Variants in CRACD observed in about 807,000 individuals in gnomAD.
CRACD encodes capping protein-inhibiting regulator of actin dynamics.
Under a neutral mutation model 106.8 loss-of-function variants are expected in CRACD, and 56 were observed. That is an observed-to-expected ratio of 0.52 (90% CI 0.42 to 0.66). CRACD has a LOEUF of 0.66. Ranked by LOEUF, CRACD falls within the 30% of genes least tolerant of loss-of-function variation. The pLI is 0.00. For synonymous variants in CRACD, 754 were observed against 670.8 expected, an observed-to-expected ratio of 1.12 and a Z score of -1.92; for missense variants, 1,730 against 1,623.2, an observed-to-expected ratio of 1.07 and a Z score of -1.13.
At chr4:56,101,976 A>G (rs1460601691) in intron 1 of CRACD, among the ~76,000 whole-genome samples, 1 of 152,052 alleles carries the variant, frequency 6.6e-6, no homozygotes. Context: ...AATATACTAC[A>G]TTTCTTTAAT....
At chr4:56,319,119 ACT>A (rs1171253099) in intron 8 of CRACD, among the ~76,000 whole-genome samples, 1 of 152,026 alleles carries the variant, frequency 6.6e-6, no homozygotes, top group Non-Finnish European at 1.5e-5. Context: ...GGAGATATAA[ACT>A]CGCCAAACTG....
chr4:56,153,091 C>A (rs1463230091), intron 1 of CRACD, among the ~76,000 whole-genome samples: 2 of 152,168 alleles, frequency 1.3e-5, no homozygotes. Flanking sequence ...CCAGCCTGGG[C>A]AATGTGGTGA....
chr4:56,244,801 A>G (rs1157768548), intron 2 of CRACD, among the ~76,000 whole-genome samples: 2 of 152,210 alleles, frequency 1.3e-5, no homozygotes, highest in African/African-American at 4.8e-5. Flanking sequence ...AGTTTTGAAT[A>G]TAACTCCTGC....
chr4:56,308,222 C>G (rs185044190), intron 5 of CRACD, among the ~76,000 whole-genome samples: 1 of 152,058 alleles, frequency 6.6e-6, no homozygotes, highest in Non-Finnish European at 1.5e-5. Flanking sequence ...AAAAGAAATG[C>G]GTAGGGGCTC....
At chr4:56,145,034 C>A (rs527354222) in intron 1 of CRACD, among the ~76,000 whole-genome samples, 2 of 152,092 alleles carry the variant, frequency 1.3e-5, no homozygotes, top group African/African-American at 4.8e-5. Context: ...GTTATCCCCC[C>A]GCCCCAGCCT....
intron 1 of CRACD, among the ~76,000 whole-genome samples, chr4:56,156,648 GT>G (rs1735772742): frequency 6.6e-6 from 1 of 152,136 alleles, no homozygotes; most frequent in Admixed American, 6.6e-5. Context: ...ATTCAACCAG[GT>G]TTTTCCTGAG....
At chr4:56,158,791 C>G (rs749159915) in intron 1 of CRACD, among the ~76,000 whole-genome samples, 1 of 152,204 alleles carries the variant, frequency 6.6e-6, no homozygotes, top group Non-Finnish European at 1.5e-5. Context: ...TCTGAATTTG[C>G]ATATTGATGA....
intron 1 of CRACD, among the ~76,000 whole-genome samples, chr4:56,110,492 T>A (rs1031802688): frequency 2.6e-5 from 4 of 152,192 alleles, no homozygotes; most frequent in Non-Finnish European, 5.9e-5. Flanking sequence ...AGCTTTGCAG[T>A]AGGCTTAGAC....
chr4:56,204,357 A>C (rs545626798), intron 2 of CRACD, among the ~76,000 whole-genome samples: 1 of 152,372 alleles, frequency 6.6e-6, no homozygotes, highest in Non-Finnish European at 1.5e-5. Context: ...TTTATTTCTT[A>C]CAGTTCTGGA....
chr4:56,143,688 G>A (rs1292072559), intron 1 of CRACD, among the ~76,000 whole-genome samples: 1 of 152,114 alleles, frequency 6.6e-6, no homozygotes, highest in Non-Finnish European at 1.5e-5. Flanking sequence ...TTATTAGACT[G>A]TGGGTTTTGA....
chr4:56,078,342 G>A (rs1577948759), intron 1 of CRACD, among the ~76,000 whole-genome samples: 2 of 152,208 alleles, frequency 1.3e-5, no homozygotes, highest in East Asian at 3.9e-4. Flanking sequence ...CATGAGTATT[G>A]ACTGATTTAC....
At chr4:56,207,745 C>CATATATATATATATAT (rs58423475) in intron 2 of CRACD, among the ~76,000 whole-genome samples, 21 of 106,164 alleles carry the variant, frequency 2.0e-4, no homozygotes, top group East Asian at 1.5e-3. Context: ...CTTGTTTTCT[C>CATATATATATATATAT]ATATATATAT....
chr4:56,288,224 C>T (rs937427296), intron 3 of CRACD, among the ~76,000 whole-genome samples: 19 of 152,082 alleles, frequency 1.2e-4, no homozygotes, highest in African/African-American at 4.6e-4. Context: ...CCTCCTCCTG[C>T]TCTTCTTTTT....
chr4:56,170,265 G>A (rs891036529), intron 1 of CRACD: 3 of 152,208 alleles, frequency 2.0e-5, no homozygotes, highest in African/African-American at 7.2e-5. Context: ...GTATTCTGAA[G>A]AGCGCAGGTT....
chr4:56,113,633 TTGG>T (rs1734191024), intron 1 of CRACD, among the ~76,000 whole-genome samples: 1 of 152,226 alleles, frequency 6.6e-6, no homozygotes, highest in African/African-American at 2.4e-5. Flanking sequence ...CTATGTCATC[TTGG>T]TGGCCTGATA....
chr4:56,150,973 T>C (rs528635991), intron 1 of CRACD, among the ~76,000 whole-genome samples: 2 of 152,292 alleles, frequency 1.3e-5, no homozygotes, highest in East Asian at 3.9e-4. Context: ...TCAACAGCTC[T>C]GTATGAGGGT....
intron 4 of CRACD, among the ~76,000 whole-genome samples, chr4:56,305,404 A>T (rs1744625644): frequency 6.6e-6 from 1 of 152,104 alleles, no homozygotes; most frequent in Non-Finnish European, 1.5e-5. Context: ...ATTCTTCTGC[A>T]CAGGTCCCCA....
At chr4:56,168,819 T>C (rs1736248669) in intron 1 of CRACD, among the ~76,000 whole-genome samples, 2 of 151,992 alleles carry the variant, frequency 1.3e-5, no homozygotes. Flanking sequence ...GTCAAGGGGA[T>C]TCAGGAATGC....
intron 8 of CRACD, chr4:56,321,465 G>A (rs924726741): frequency 6.6e-6 from 1 of 152,304 alleles, no homozygotes. Context: ...AAACTGGCTG[G>A]TTGTTTTAGT....
Sources: gnomAD v4.1 joint callset for allele counts (sites outside exome capture counted in the v4.1 genomes callset) on GRCh38, gnomAD v4.1.1 for gene constraint, MANE v1.5 for transcripts, NCBI Gene and HGNC (gene_info 2026-07-23, HGNC 2026-07-21) for gene names.